ZNF860: variants seen among roughly 807,000 people sequenced by gnomAD.
The protein encoded by ZNF860 is zinc finger protein 860.
For synonymous variants in ZNF860, 206 were observed against 248.9 expected (o/e 0.83, Z 1.62); for missense variants, 641 against 759.2 (o/e 0.84, Z 1.83).
At chr3:32,002,517 G>A in the ZNF860 span, among the ~76,000 whole-genome samples, 396 of 152,300 alleles carry the variant, frequency 2.6e-3, 5 homozygotes, top group African/African-American at 9.4e-3. Context: ...TTGCTGGGAA[G>A]CAATAAGATT....
At chr3:32,002,068 A>G in the ZNF860 span, among the ~76,000 whole-genome samples, 1 of 152,202 alleles carries the variant, frequency 6.6e-6, no homozygotes, top group South Asian at 2.1e-4. Context: ...TTCCCAGTTT[A>G]AACTGCCCAG....
At chr3:31,994,003 A>G (rs1379705863), downstream of ZNF860, among the ~76,000 whole-genome samples, 1 of 152,246 alleles carries the variant, frequency 6.6e-6, no homozygotes, top group Non-Finnish European at 1.5e-5. Flanking sequence ...TTAAAAATGT[A>G]AACCAACTAT....
At chr3:31,996,356 C>T (rs935050919), downstream of ZNF860, among the ~76,000 whole-genome samples, 2 of 150,686 alleles carry the variant, frequency 1.3e-5, no homozygotes, top group African/African-American at 5.0e-5. Flanking sequence ...TCTAAACTCT[C>T]CCCCCCGTGC....
At position 31,990,862 on chromosome 3, in the gene ZNF860, A is replaced by G; in HGVS notation, c.1783A>G (p.Lys595Glu). The stretch of plus-strand genomic sequence containing the variant: ...AATTCATATGGGAGAGAAACATCAC[A>G]AGTGTGATGATTGTGGCAAAGCCTT... Reference protein sequence around the residue: ...RRIHMGEKHHKCDDCGKAFTS... With the variant: ...RRIHMGEKHHECDDCGKAFTS... Residue 595 changes from lysine to glutamate, a missense_variant, in exon 2 of 2, where the codon AAG (lysine) becomes GAG (glutamate). Coordinates refer to ENST00000360311, the MANE Select transcript of ZNF860 (RefSeq NM_001137674.3). 1 of 1,579,384 alleles carries G rather than the reference A, an allele frequency of 6.3e-7. No individual in the cohort carries two copies. Among genetic ancestry groups the G allele is most frequent in the Non-Finnish European group, 8.6e-7 (1 of 1,161,344 alleles).
chr3:31,987,186 G>T (rs1408832161), intron 1 of ZNF860, among the ~76,000 whole-genome samples: 1 of 151,826 alleles, frequency 6.6e-6, no homozygotes, highest in East Asian at 1.9e-4. Context: ...CTGCATAGTT[G>T]TATATCATTT....
Position 31,989,351 on chromosome 3 carries a change from G to A in ZNF860, c.272G>A (p.Arg91Lys). 6.2e-7 allele frequency: 1 copy of A among 1,614,192 alleles called. No individual in the cohort carries two copies. Among genetic ancestry groups the A allele is most frequent in the Non-Finnish European group, 8.5e-7 (1 of 1,180,024 alleles). ...GAAGTGGACACAGGGACATTAGAAA[G>A]ACATGAAAGTCATCACATTGGAGAT... Reference protein sequence around the residue: ...NTEVDTGTLERHESHHIGDFC... With the variant: ...NTEVDTGTLEKHESHHIGDFC... Residue 91 changes from arginine (R) to lysine (K), a missense_variant, in exon 2 of 2, where the codon AGA becomes AAA. Transcript: ENST00000360311.
chr3:31,989,470 A>G lies in ZNF860; in HGVS notation c.391A>G (p.Ile131Val), dbSNP rs779774584. The G allele has an allele frequency of 7.4e-6, 12 of 1,614,120 alleles. No homozygotes were observed. Among genetic ancestry groups the G allele is most frequent in the East Asian group, 6.7e-5 (3 of 44,900 alleles). ...RNSHEATMTQIKKLTGSTDRY... is the reference protein window; with the variant it reads ...RNSHEATMTQVKKLTGSTDRY... Reference sequence around the variant, plus strand: ...TAGCCATGAAGCAACTATGACACAAATCAAAAAGTTGACTGGTAGCACCGA... The same window carrying G: ...TAGCCATGAAGCAACTATGACACAAGTCAAAAAGTTGACTGGTAGCACCGA... Residue 131 changes from isoleucine (I) to valine (V), a missense_variant, in exon 2 of 2, where the codon ATC becomes GTC. Coordinates refer to ENST00000360311, the MANE Select transcript of ZNF860 (RefSeq NM_001137674.3).
chr3:31,990,197 A>T lies in ZNF860; in HGVS notation c.1118A>T (p.Asn373Ile), dbSNP rs755757253. 3 of 1,613,992 alleles carry T rather than the reference A, an allele frequency of 1.9e-6. No individual in the cohort carries two copies. The highest frequency in any genetic ancestry group is 2.5e-6 in the Non-Finnish European group (3 of 1,179,952). The change falls in exon 2 of 2, where the codon AAT becomes ATT. Residue 373 changes from asparagine (N) to isoleucine (I), a missense_variant. Coordinates refer to ENST00000360311, the MANE Select transcript of ZNF860 (RefSeq NM_001137674.3). Reference protein sequence around the residue: ...IHTGEKPYKCNECGKAFSGQS... With the variant: ...IHTGEKPYKCIECGKAFSGQS... The stretch of plus-strand genomic sequence containing the variant: ...ACTGGAGAGAAACCTTACAAGTGTA[A>T]TGAGTGTGGCAAAGCCTTTAGTGGG...
At chr3:31,994,950 G>A (rs923268899), downstream of ZNF860, among the ~76,000 whole-genome samples, 1 of 152,152 alleles carries the variant, frequency 6.6e-6, no homozygotes, top group African/African-American at 2.4e-5. Context: ...CATATTGGTA[G>A]GACCATGATG....
At position 31,989,226 on chromosome 3, in the gene ZNF860, C is replaced by T. The variant is rs1302945295; in HGVS notation, c.147C>T (p.Tyr49=). 6.2e-7 allele frequency: 1 copy of T among 1,614,162 alleles called. No individual in the cohort carries two copies. The highest frequency in any genetic ancestry group is 1.1e-5 in the South Asian group (1 of 91,078). ...TGGACCCTACGCAGAGGGCTTTATA[C>T]AGGGCCATGATGTTGGAGAACTACA... The part of the protein sequence containing the change: ...KCLDPTQRAL[Y]RAMMLENYRN... The change falls in exon 2 of 2, where the codon TAC becomes TAT. Residue 49 remains tyrosine, a synonymous_variant. Transcript: ENST00000360311.
the ZNF860 span, among the ~76,000 whole-genome samples, chr3:31,998,785 C>T: frequency 6.6e-6 from 1 of 152,134 alleles, no homozygotes; most frequent in Non-Finnish European, 1.5e-5. Flanking sequence ...ATTGGTTTTT[C>T]TGTCCCTACT....
Position 31,989,369 on chromosome 3 carries a change from T to A in ZNF860, c.290T>A (p.Ile97Asn), listed in dbSNP as rs761319827. Residue 97 changes from isoleucine (I) to asparagine (N), a missense_variant, in exon 2 of 2, where the codon ATT (isoleucine) becomes AAT (asparagine). Physicochemically the swap from Ile to Asn is moderately radical, Grantham distance 149. Coordinates refer to ENST00000360311, the MANE Select transcript of ZNF860 (RefSeq NM_001137674.3). Reference protein sequence around the residue: ...GTLERHESHHIGDFCFQKIGK... With the variant: ...GTLERHESHHNGDFCFQKIGK... ...TTAGAAAGACATGAAAGTCATCACATTGGAGATTTTTGCTTCCAGAAAATT... is the reference window on the plus strand; with the variant it reads ...TTAGAAAGACATGAAAGTCATCACAATGGAGATTTTTGCTTCCAGAAAATT... 19 of 1,614,050 alleles carry A rather than the reference T, an allele frequency of 1.2e-5. No individual in the cohort carries two copies. Among genetic ancestry groups the A allele is most frequent in the Non-Finnish European group, 1.6e-5 (19 of 1,180,028 alleles).
chr3:31,989,291 T>G lies in ZNF860; in HGVS notation c.212T>G (p.Met71Arg). The G allele has an allele frequency of 2.5e-6, 4 of 1,614,174 alleles. No individual in the cohort carries two copies. The highest frequency in any genetic ancestry group is 3.4e-6 in the Non-Finnish European group (4 of 1,180,036). ...HSVDISSKCMMKKFSSTAQGN... is the reference protein window; with the variant it reads ...HSVDISSKCMRKKFSSTAQGN... ...GTGGATATCTCTTCCAAATGCATGA[T>G]GAAGAAGTTCTCATCAACAGCGCAA... The change falls in exon 2 of 2, where the codon ATG becomes AGG. Residue 71 changes from methionine (M) to arginine (R), a missense_variant. Physicochemically the swap from Met to Arg is moderately conservative, Grantham distance 91. Transcript: ENST00000360311.
chr3:31,990,692 A>G lies in ZNF860; in HGVS notation c.1613A>G (p.Tyr538Cys). Residue 538 changes from tyrosine to cysteine, a missense_variant, in exon 2 of 2, where the codon TAC becomes TGC. By Grantham distance (194) the Tyr-to-Cys change is radical. Coordinates refer to ENST00000360311, the MANE Select transcript of ZNF860 (RefSeq NM_001137674.3). ...HHRLHTGEKP[Y>C]KCEECDTVFS... ...AGACTTCATACTGGAGAGAAACCTT[A>G]CAAATGTGAAGAATGTGACACAGTT... 4.3e-6 allele frequency: 7 copies of G among 1,614,180 alleles called. No individual in the cohort carries two copies. The highest frequency in any genetic ancestry group is 5.9e-6 in the Non-Finnish European group (7 of 1,180,000).
At chr3:31,995,519 G>A (rs142636464), downstream of ZNF860, among the ~76,000 whole-genome samples, 700 of 152,118 alleles carry the variant, frequency 4.6e-3, 5 homozygotes, top group African/African-American at 0.016. Flanking sequence ...CCCTAAAATC[G>A]CTGTTATTCT....
rs1004570697 is a variant in ZNF860, at chr3:31,991,713, G to GA, written c.*745dup. 783 of 152,346 alleles carry GA rather than the reference G, an allele frequency of 5.1e-3. 1 individual carries two copies. The highest frequency in any genetic ancestry group is 0.016 in the African/African-American group (626 of 40,196). The allele number at this position is 152,346 out of a possible 1,614,324, so 9.4% of individuals were successfully genotyped here. ...AATACAATTTTACTTCTTTCTTTCT[G>GA]AAAAAAAAAATGGATAACTAATACA... On this transcript the variant is annotated 3_prime_UTR_variant, in exon 2 of 2. Transcript: ENST00000360311.
At chr3:32,000,051 C>T in the ZNF860 span, among the ~76,000 whole-genome samples, 1 of 152,138 alleles carries the variant, frequency 6.6e-6, no homozygotes, top group African/African-American at 2.4e-5. Flanking sequence ...GTCTGAGTCT[C>T]ATGGTCCAAT....
At chr3:31,985,852 C>T (rs147568498) in intron 1 of ZNF860, among the ~76,000 whole-genome samples, 44 of 152,222 alleles carry the variant, frequency 2.9e-4, no homozygotes, top group Non-Finnish European at 5.4e-4. Flanking sequence ...CTCATTAAAT[C>T]CTCACAACAA....
intron 1 of ZNF860, among the ~76,000 whole-genome samples, chr3:31,982,567 G>A (rs1698872036): frequency 6.6e-6 from 1 of 152,006 alleles, no homozygotes; most frequent in Non-Finnish European, 1.5e-5. Flanking sequence ...TTTAGCTCTA[G>A]AGATGCACGG....
Sources: gnomAD v4.1 joint callset for allele counts (sites outside exome capture counted in the v4.1 genomes callset) on GRCh38, gnomAD v4.1.1 for gene constraint, MANE v1.5 for transcripts, NCBI Gene and HGNC (gene_info 2026-07-23, HGNC 2026-07-21) for gene names.